MSI2: variants seen among roughly 807,000 people sequenced by gnomAD.
MSI2 encodes the protein RNA-binding protein Musashi homolog 2.
A neutral mutation model predicts 45.6 loss-of-function variants in MSI2; 17 were observed. The ratio of observed to expected loss-of-function variants is 0.37; its 90% confidence interval spans 0.26 to 0.56. MSI2 has a LOEUF of 0.56. Ranked by LOEUF, MSI2 falls within the 20% of genes least tolerant of loss-of-function variation. MSI2 has a pLI of 0.77. For synonymous variants in MSI2, 156 were observed against 158.2 expected (o/e 0.99, Z 0.11); for missense variants, 293 against 444.2 (o/e 0.66, Z 3.06).
At chr17:57,609,279 G>A (rs556998079) in intron 8 of MSI2, among the ~76,000 whole-genome samples, 1 of 151,404 alleles carries the variant, frequency 6.6e-6, no homozygotes, top group Non-Finnish European at 1.5e-5. Flanking sequence ...CGCCACAGAA[G>A]GACAGATACC....
At chr17:57,328,345 TCATCCATCCTTCATCCATCAATC>T (rs1024178433) in intron 5 of MSI2, among the ~76,000 whole-genome samples, 9 of 144,372 alleles carry the variant, frequency 6.2e-5, no homozygotes, top group Middle Eastern at 3.5e-3. Flanking sequence ...ATCCATCCAT[TCATCCATCCTTCATCCATCAATC>T]CATCCATCCT....
At chr17:57,571,874 A>G (rs139611704) in intron 7 of MSI2, among the ~76,000 whole-genome samples, 1,722 of 152,232 alleles carry the variant, frequency 0.011, 37 homozygotes, top group African/African-American at 0.039. Flanking sequence ...TTCCCCGCCC[A>G]CATCAGGAGA....
intron 5 of MSI2, among the ~76,000 whole-genome samples, chr17:57,396,685 G>T (rs540727800): frequency 6.6e-6 from 1 of 152,308 alleles, no homozygotes; most frequent in South Asian, 2.1e-4. Flanking sequence ...GAGCCAAGGG[G>T]TATGTGGAGA....
At chr17:57,278,900 G>T (rs1467197125) in intron 5 of MSI2, 1 of 152,232 alleles carries the variant, frequency 6.6e-6, no homozygotes, top group Non-Finnish European at 1.5e-5. Flanking sequence ...TATGCAGCAG[G>T]AACTGTGAAC....
intron 10 of MSI2, among the ~76,000 whole-genome samples, chr17:57,634,683 A>C (rs1390466547): frequency 6.6e-6 from 1 of 152,238 alleles, no homozygotes; most frequent in East Asian, 1.9e-4. Flanking sequence ...AGAAACACAA[A>C]AGTAATAAGA....
intron 6 of MSI2, among the ~76,000 whole-genome samples, chr17:57,473,518 G>T (rs1388728225): frequency 6.6e-6 from 1 of 152,140 alleles, no homozygotes; most frequent in Non-Finnish European, 1.5e-5. Flanking sequence ...TTCCGTCGGG[G>T]GGCCTCTGGG....
chr17:57,258,078 C>T (rs77438988), intron 3 of MSI2, among the ~76,000 whole-genome samples, 192 bp from the exon 4 acceptor site: 8,326 of 152,178 alleles, frequency 0.055, 368 homozygotes, highest in East Asian at 0.24. Context: ...TCCACTTCCC[C>T]CGTTAACCTT....
chr17:57,257,305 C>T (rs1906874268), intron 2 of MSI2, among the ~76,000 whole-genome samples, 161 bp from the exon 3 acceptor site: 1 of 146,646 alleles, frequency 6.8e-6, no homozygotes, highest in African/African-American at 2.5e-5. Flanking sequence ...CTCTATGCGA[C>T]CTCTGTTGCC....
At chr17:57,258,087 T>C (rs574816041) in intron 3 of MSI2, among the ~76,000 whole-genome samples, 183 bp from the exon 4 acceptor site, 100 of 152,192 alleles carry the variant, frequency 6.6e-4, no homozygotes, top group African/African-American at 2.3e-3. Flanking sequence ...CCCGTTAACC[T>C]TGATGTTTTT....
intron 6 of MSI2, among the ~76,000 whole-genome samples, chr17:57,474,315 G>A (rs2085496628): frequency 6.6e-6 from 1 of 151,996 alleles, no homozygotes; most frequent in Admixed American, 6.6e-5. Context: ...GCTGAGTCCC[G>A]GTGAAGTCGA....
chr17:57,639,664 C>T (rs1472246628), intron 10 of MSI2, among the ~76,000 whole-genome samples: 2 of 152,222 alleles, frequency 1.3e-5, no homozygotes, highest in Middle Eastern at 3.2e-3. Flanking sequence ...GTCCTGCTGC[C>T]CCACCCTGAG....
chr17:57,334,198 G>C (rs551524278), intron 5 of MSI2, among the ~76,000 whole-genome samples: 1 of 152,254 alleles, frequency 6.6e-6, no homozygotes, highest in South Asian at 2.1e-4. Context: ...AGTGAGAGTA[G>C]GTTTAGAAAA....
chr17:57,445,915 C>T (rs986761031), intron 6 of MSI2, among the ~76,000 whole-genome samples: 47 of 152,132 alleles, frequency 3.1e-4, no homozygotes, highest in African/African-American at 1.0e-3. Context: ...GAATGAGTTT[C>T]GTTGATTCAC....
At position 57,673,314 on chromosome 17, in the gene MSI2, G is replaced by T. The variant is rs144332511; in HGVS notation, c.791-1658G>T. ...AATCACAGGCCCCTGGGAAAGGGAG[G>T]GGCCAAAGCCAGGAGTGACCCCACC... is the stretch of plus-strand genomic sequence containing the variant. On this transcript the variant is annotated intron_variant, in intron 11 of 13. Coordinates refer to ENST00000284073, the MANE Select transcript of MSI2 (RefSeq NM_138962.4). Among the ~76,000 whole-genome samples, 13 of 152,360 alleles carry T rather than the reference G, an allele frequency of 8.5e-5. No individual in the cohort carries two copies. In the East Asian group the frequency reaches 2.5e-3, roughly 29 times the overall value.
chr17:57,461,667 C>T (rs564096581), intron 6 of MSI2, among the ~76,000 whole-genome samples: 1 of 152,108 alleles, frequency 6.6e-6, no homozygotes, highest in East Asian at 1.9e-4. Context: ...TCCCGAGTAG[C>T]TGGGATTACA....
chr17:57,361,446 A>T (rs1309794320), intron 5 of MSI2, among the ~76,000 whole-genome samples: 1 of 151,734 alleles, frequency 6.6e-6, no homozygotes, highest in Non-Finnish European at 1.5e-5. Flanking sequence ...CAAAAAATAA[A>T]AAAAAAAAAA....
intron 5 of MSI2, among the ~76,000 whole-genome samples, chr17:57,284,900 CT>C (rs112263860): frequency 0.023 from 3,167 of 139,920 alleles, 73 homozygotes; most frequent in African/African-American, 0.065. Context: ...TTAAAATGAC[CT>C]TTTTTTTTTT....
At chr17:57,561,178 C>A (rs73991902) in intron 7 of MSI2, among the ~76,000 whole-genome samples, 1 of 152,138 alleles carries the variant, frequency 6.6e-6, no homozygotes, top group Non-Finnish European at 1.5e-5. Flanking sequence ...AGAAACCAAG[C>A]GAAGTGATGA....
chr17:57,446,822 G>A (rs1184702380), intron 6 of MSI2, among the ~76,000 whole-genome samples: 1 of 152,206 alleles, frequency 6.6e-6, no homozygotes, highest in Non-Finnish European at 1.5e-5. Flanking sequence ...CGGACAAAAG[G>A]CACAGTGTGT....
Sources: gnomAD v4.1 joint callset for allele counts (sites outside exome capture counted in the v4.1 genomes callset) on GRCh38, gnomAD v4.1.1 for gene constraint, MANE v1.5 for transcripts, NCBI Gene and HGNC (gene_info 2026-07-23, HGNC 2026-07-21) for gene names.